Variants in ITGA8 observed in about 807,000 individuals in gnomAD.
ITGA8 encodes the protein integrin alpha-8.
Under a neutral mutation model 142.3 loss-of-function variants are expected in ITGA8, and 91 were observed. The ratio of observed to expected loss-of-function variants is 0.64; its 90% confidence interval spans 0.54 to 0.76. The LOEUF (loss-of-function observed/expected upper bound fraction) is 0.76. Among genes scored for constraint, ITGA8 ranks in the 30% least tolerant of loss-of-function variants. The pLI is 0.00. For synonymous variants in ITGA8, 505 were observed against 485.2 expected, an observed-to-expected ratio of 1.04 and a Z score of -0.54; for missense variants, 1,406 against 1,327.7, an observed-to-expected ratio of 1.06 and a Z score of -0.92.
chr10:15,582,794 G>T (rs1240087096), intron 23 of ITGA8, among the ~76,000 whole-genome samples: 1 of 152,258 alleles, frequency 6.6e-6, no homozygotes, highest in Non-Finnish European at 1.5e-5. Context: ...CAAAAATGGT[G>T]CATGACTGCA....
At chr10:15,628,780 A>G (rs1193408465) in intron 13 of ITGA8, among the ~76,000 whole-genome samples, 1 of 152,062 alleles carries the variant, frequency 6.6e-6, no homozygotes, top group East Asian at 1.9e-4. Flanking sequence ...TATCCTTAAT[A>G]CCTTGACTTG....
chr10:15,625,367 A>G (rs1388425858), intron 13 of ITGA8, among the ~76,000 whole-genome samples: 1 of 152,100 alleles, frequency 6.6e-6, no homozygotes, highest in East Asian at 1.9e-4. Flanking sequence ...TTGATCCTAA[A>G]CTTGTTGTAT....
At chr10:15,635,446 C>T (rs149480199) in intron 13 of ITGA8, among the ~76,000 whole-genome samples, 1 of 152,128 alleles carries the variant, frequency 6.6e-6, no homozygotes, top group African/African-American at 2.4e-5. Flanking sequence ...GTAATCCATG[C>T]ACCTTTGTCA....
At chr10:15,580,863 ACAAGG>A (rs569049172) in intron 23 of ITGA8, among the ~76,000 whole-genome samples, 67 of 152,340 alleles carry the variant, frequency 4.4e-4, no homozygotes, top group East Asian at 2.5e-3. Flanking sequence ...GTAAAATTGA[ACAAGG>A]CAAGGATGTC....
At chr10:15,683,214 T>G (rs1188552690) in intron 4 of ITGA8, among the ~76,000 whole-genome samples, 1 of 152,152 alleles carries the variant, frequency 6.6e-6, no homozygotes, top group East Asian at 1.9e-4. Flanking sequence ...GTGATCTATC[T>G]GGCACACTGA....
At chr10:15,675,691 C>T (rs1448060819) in intron 6 of ITGA8, among the ~76,000 whole-genome samples, 1 of 152,152 alleles carries the variant, frequency 6.6e-6, no homozygotes, top group African/African-American at 2.4e-5. Context: ...CATGCTTAAA[C>T]TCACTTCATA....
At chr10:15,655,096 T>TTC (rs397727848) in intron 11 of ITGA8, among the ~76,000 whole-genome samples, 1 of 2,394 alleles carries the variant, frequency 4.2e-4, no homozygotes, top group Non-Finnish European at 0.014. Context: ...GGCTGAAGAC[T>TTC]ATAAAATTAA....
At chr10:15,594,398 G>C (rs778203888) in intron 21 of ITGA8, among the ~76,000 whole-genome samples, 6 of 151,906 alleles carry the variant, frequency 3.9e-5, no homozygotes, top group Non-Finnish European at 8.8e-5. Flanking sequence ...TGCTAATTTT[G>C]AGTTTCTTAT....
intron 13 of ITGA8, among the ~76,000 whole-genome samples, chr10:15,639,149 G>A (rs188580148): frequency 2.8e-4 from 42 of 151,454 alleles, no homozygotes; most frequent in Non-Finnish European, 1.0e-4. Flanking sequence ...AAAAAAAGTT[G>A]CCCCTGCCCC....
chr10:15,697,849 G>C (rs1220552472), intron 2 of ITGA8, among the ~76,000 whole-genome samples: 2 of 152,208 alleles, frequency 1.3e-5, no homozygotes, highest in Admixed American at 6.5e-5. Flanking sequence ...ACAGTTGATA[G>C]AGTAGTCTTT....
At chr10:15,643,397 A>C (rs1230785854) in intron 13 of ITGA8, among the ~76,000 whole-genome samples, 1 of 152,122 alleles carries the variant, frequency 6.6e-6, no homozygotes, top group Non-Finnish European at 1.5e-5. Flanking sequence ...CTTGTGCCTC[A>C]GCCTCTAGAG....
At chr10:15,624,774 T>C (rs532953722) in intron 13 of ITGA8, among the ~76,000 whole-genome samples, 1 of 152,298 alleles carries the variant, frequency 6.6e-6, no homozygotes, top group African/African-American at 2.4e-5. Context: ...CAACCCAAGG[T>C]TGGCTCACTT....
chr10:15,556,445 A>G (rs1833890843), intron 26 of ITGA8, among the ~76,000 whole-genome samples: 1 of 152,124 alleles, frequency 6.6e-6, no homozygotes, highest in Non-Finnish European at 1.5e-5. Flanking sequence ...AACTGCAGCT[A>G]TGGGGCAGGA....
intron 26 of ITGA8, among the ~76,000 whole-genome samples, chr10:15,552,767 G>A (rs1488740546): frequency 6.6e-6 from 1 of 152,146 alleles, no homozygotes; most frequent in Admixed American, 6.5e-5. Flanking sequence ...TCCCACTTAT[G>A]AGTGGGAACA....
At chr10:15,521,479 A>G (rs974285557) in intron 28 of ITGA8, among the ~76,000 whole-genome samples, 1 of 152,172 alleles carries the variant, frequency 6.6e-6, no homozygotes, top group Admixed American at 6.5e-5. Flanking sequence ...TGTCATTTAT[A>G]TGTACACTAA....
At chr10:15,529,183 C>T (rs1833242752) in intron 28 of ITGA8, among the ~76,000 whole-genome samples, 1 of 152,086 alleles carries the variant, frequency 6.6e-6, no homozygotes, top group Non-Finnish European at 1.5e-5. Flanking sequence ...CTCCAGGGCT[C>T]AAGTGATCCT....
At chr10:15,575,403 A>G (rs548990003) in intron 24 of ITGA8, 86 bp downstream of exon 24, 3 of 937,338 alleles carry the variant, frequency 3.2e-6, no homozygotes, top group Admixed American at 3.5e-5. Flanking sequence ...AATAATAATG[A>G]TAATGATAAT....
At position 15,645,424 on chromosome 10, in the gene ITGA8, G is replaced by C. The variant is rs138814859; in HGVS notation, c.1208-1203C>G. On this transcript the variant is annotated intron_variant, in intron 12 of 29. Transcript: ENST00000378076. ...TATGATTTTAAACGACAGCTCCATA[G>C]ATAATTTAGCACTATTTATTTTACT... 7.9e-4 allele frequency among the ~76,000 whole-genome samples: 120 copies of C among 152,284 alleles called. 2 individuals carry two copies. The East Asian group carries it at 0.022, about 28-fold the overall frequency.
At chr10:15,637,914 A>G (rs1227585171) in intron 13 of ITGA8, among the ~76,000 whole-genome samples, 2 of 152,196 alleles carry the variant, frequency 1.3e-5, no homozygotes, top group Non-Finnish European at 1.5e-5. Flanking sequence ...TATAAAAAAT[A>G]CATACATAGA....
Sources: gnomAD v4.1 joint callset for allele counts (sites outside exome capture counted in the v4.1 genomes callset) on GRCh38, gnomAD v4.1.1 for gene constraint, MANE v1.5 for transcripts, NCBI Gene and HGNC (gene_info 2026-07-23, HGNC 2026-07-21) for gene names.